ADGRL2: variants seen among roughly 807,000 people sequenced by gnomAD.
ADGRL2 encodes calcium-independent alpha-latrotoxin receptor 2.
In ADGRL2, 44 loss-of-function variants were observed where a neutral mutation model predicts 157.4. That is an observed-to-expected ratio of 0.28 (90% CI 0.22 to 0.36). The LOEUF (loss-of-function observed/expected upper bound fraction) is 0.36, where lower values mean the gene tolerates loss of function less well. Ranked by LOEUF, ADGRL2 falls within the 10% of genes least tolerant of loss-of-function variation. ADGRL2 has a pLI of 1.00. For missense variants in ADGRL2, 1,510 were observed against 1,768.9 expected (o/e 0.85, Z 2.63); for synonymous variants, 585 against 624.7 (o/e 0.94, Z 0.95).
intron 2 of ADGRL2, among the ~76,000 whole-genome samples, chr1:81,479,461 A>G (rs2078340785): frequency 6.6e-6 from 1 of 152,126 alleles, no homozygotes; most frequent in East Asian, 1.9e-4. Context: ...CCAGAGTACA[A>G]CAGAGTGAGA....
intron 1 of ADGRL2, among the ~76,000 whole-genome samples, chr1:81,802,925 G>A (rs1055705449): frequency 6.6e-6 from 1 of 152,094 alleles, no homozygotes; most frequent in African/African-American, 2.4e-5. Flanking sequence ...CTACGATTGG[G>A]AGCGGCGGGG....
rs1401165683 is a variant in ADGRL2, at chr1:81,974,116, T to C, written c.3021+2198T>C. Among the ~76,000 whole-genome samples the C allele has an allele frequency of 3.9e-5, 6 of 152,346 alleles. No individual in the cohort carries two copies. In the East Asian group the frequency reaches 5.8e-4, roughly 15 times the overall value. Reference sequence around the variant, plus strand: ...GCTTTGCATTTTCAGTTTTTCTGAATTGAAACTGTTTCACTTAGTTGTATT... The same window carrying C: ...GCTTTGCATTTTCAGTTTTTCTGAACTGAAACTGTTTCACTTAGTTGTATT... On this transcript the variant is annotated intron_variant, in intron 17 of 23. Transcript: ENST00000686636.
intron 13 of ADGRL2, among the ~76,000 whole-genome samples, chr1:81,967,333 C>T (rs1183143871): frequency 1.3e-5 from 2 of 150,876 alleles, no homozygotes; most frequent in East Asian, 3.9e-4. Flanking sequence ...GCGATCTCGG[C>T]TCACTGCCAG....
At chr1:81,335,636 T>C (rs542874124) in intron 1 of ADGRL2, among the ~76,000 whole-genome samples, 12 of 152,226 alleles carry the variant, frequency 7.9e-5, no homozygotes, top group Admixed American at 7.8e-4. Flanking sequence ...CAACTGCCCC[T>C]CAAACATTCC....
chr1:81,941,069 T>G (rs1647770229), intron 4 of ADGRL2, among the ~76,000 whole-genome samples: 1 of 151,540 alleles, frequency 6.6e-6, no homozygotes. Context: ...GCTAGCTTGC[T>G]TTCTATGTAA....
At chr1:81,350,075 T>G (rs1402634329) in intron 1 of ADGRL2, among the ~76,000 whole-genome samples, 1 of 152,202 alleles carries the variant, frequency 6.6e-6, no homozygotes, top group East Asian at 1.9e-4. Flanking sequence ...TACAATTTAT[T>G]GTTCACCTTT....
intron 2 of ADGRL2, among the ~76,000 whole-genome samples, chr1:81,873,860 T>C (rs1473936386): frequency 6.6e-6 from 1 of 152,136 alleles, no homozygotes; most frequent in African/African-American, 2.4e-5. Context: ...TAAGCATTAA[T>C]AAAGTATTGA....
intron 1 of ADGRL2, among the ~76,000 whole-genome samples, chr1:81,825,195 A>C (rs2091357845): frequency 6.6e-6 from 1 of 152,088 alleles, no homozygotes; most frequent in Admixed American, 6.6e-5. Context: ...ACTAAAAATC[A>C]AAAATAAAGA....
chr1:81,952,377 A>C (rs1327127978), intron 9 of ADGRL2, among the ~76,000 whole-genome samples: 1 of 152,178 alleles, frequency 6.6e-6, no homozygotes, highest in Non-Finnish European at 1.5e-5. Flanking sequence ...AGTTGGTGGC[A>C]AACTTTATCT....
At chr1:81,650,062 A>G (rs2082384170) in intron 3 of ADGRL2, among the ~76,000 whole-genome samples, 1 of 152,024 alleles carries the variant, frequency 6.6e-6, no homozygotes, top group Non-Finnish European at 1.5e-5. Flanking sequence ...TCTTAAAAAA[A>G]AAAAAAAAAA....
intron 2 of ADGRL2, among the ~76,000 whole-genome samples, chr1:81,842,353 CTTTT>C (rs71085377): frequency 5.5e-5 from 3 of 54,952 alleles, no homozygotes; most frequent in African/African-American, 7.7e-5. Context: ...TCTTTTAGCG[CTTTT>C]TTTTTTTTTT....
intron 3 of ADGRL2, among the ~76,000 whole-genome samples, chr1:81,640,148 C>T (rs1040996714): frequency 2.0e-5 from 3 of 152,050 alleles, no homozygotes; most frequent in Admixed American, 6.6e-5. Context: ...ATCTGCCAAA[C>T]GTCAAATGGT....
chr1:81,446,227 C>T (rs920798548), intron 2 of ADGRL2, among the ~76,000 whole-genome samples: 13 of 152,056 alleles, frequency 8.5e-5, no homozygotes, highest in Non-Finnish European at 1.6e-4. Flanking sequence ...CCTGCCAGCC[C>T]GGCGCACAGC....
chr1:81,733,508 C>T (rs1557605082), intron 1 of ADGRL2, among the ~76,000 whole-genome samples: 1 of 152,170 alleles, frequency 6.6e-6, no homozygotes, highest in South Asian at 2.1e-4. Context: ...GTCCTAATTC[C>T]TCTGTTTATA....
In ADGRL2 at chr1:81,757,838, G is replaced by A. The variant is rs1243926190; in HGVS notation, c.-142-3973G>A. 3.3e-5 allele frequency among the ~76,000 whole-genome samples: 5 copies of A among 152,156 alleles called. No individual in the cohort carries two copies. The South Asian group carries it at 6.2e-4, about 19-fold the overall frequency. ...CTTTGAAAGGGCGCAAGCTCCAAGC[G>A]GCGGCACTGGAGTACAGTAAGATTA... On this transcript the variant is annotated intron_variant, in intron 1 of 20. Coordinates refer to the ADGRL2 transcript ENST00000359929.
At chr1:81,831,874 A>G (rs1401681208) in intron 1 of ADGRL2, among the ~76,000 whole-genome samples, 1 of 152,140 alleles carries the variant, frequency 6.6e-6, no homozygotes, top group East Asian at 1.9e-4. Context: ...TGAATAGTGG[A>G]AAGAATGGCT....
chr1:81,862,758 C>A (rs944522341), intron 2 of ADGRL2, among the ~76,000 whole-genome samples: 9 of 152,150 alleles, frequency 5.9e-5, no homozygotes, highest in Non-Finnish European at 1.2e-4. Context: ...ACTTTCGCCT[C>A]TACCAGTGTC....
intron 1 of ADGRL2, among the ~76,000 whole-genome samples, chr1:81,745,146 T>C (rs1328980980): frequency 2.6e-5 from 4 of 152,110 alleles, no homozygotes; most frequent in Non-Finnish European, 5.9e-5. Flanking sequence ...TCCCTGGTAA[T>C]CCTTGGCTGT....
chr1:81,522,490 C>T (rs988078537), intron 2 of ADGRL2, among the ~76,000 whole-genome samples: 2 of 152,178 alleles, frequency 1.3e-5, no homozygotes, highest in African/African-American at 4.8e-5. Flanking sequence ...GGTGAGTGCA[C>T]ATGCACAGTT....
Sources: allele counts gnomAD v4.1 joint callset (sites outside exome capture counted in the v4.1 genomes callset), GRCh38; gene constraint gnomAD v4.1.1; transcripts MANE v1.5; gene names NCBI Gene and HGNC (gene_info 2026-07-23, HGNC 2026-07-21).